H2BK1: variants seen among roughly 807,000 people sequenced by gnomAD.
The protein encoded by H2BK1 is H2B.K variant histone 1.
At chr7:151,208,861 G>A in the H2BK1 span, among the ~76,000 whole-genome samples, 2 of 152,212 alleles carry the variant, frequency 1.3e-5, no homozygotes. Flanking sequence ...GTTCTAAAAT[G>A]TGAGTAGGTA....
chr7:151,208,438 C>G, the H2BK1 span, among the ~76,000 whole-genome samples: 8 of 152,230 alleles, frequency 5.3e-5, no homozygotes, highest in Non-Finnish European at 1.2e-4. Context: ...TTCACTGATG[C>G]ATTTGCATAG....
chr7:151,208,123 C>T, the H2BK1 span: 16 of 1,612,920 alleles, frequency 9.9e-6, no homozygotes, highest in Non-Finnish European at 1.4e-5. Flanking sequence ...GAGAGGGCAG[C>T]ACCACTCGGT....
chr7:151,208,228 A>C, the H2BK1 span: 1 of 927,624 alleles, frequency 1.1e-6, no homozygotes, highest in Non-Finnish European at 1.7e-6. Context: ...GAAGGCAAGG[A>C]GGCTCCTCAC....
At chr7:151,207,841 G>C in the H2BK1 span, 16 of 816,136 alleles carry the variant, frequency 2.0e-5, no homozygotes, top group Admixed American at 2.9e-4. Context: ...CACAGAAACA[G>C]TTCACCCTTT....
the H2BK1 span, chr7:151,208,214 G>C: frequency 1.8e-6 from 2 of 1,114,966 alleles, no homozygotes; most frequent in Non-Finnish European, 2.7e-6. Context: ...GGAAGCCAGA[G>C]GCAGAAGGCA....
the H2BK1 span, chr7:151,208,194 G>C: frequency 7.2e-7 from 1 of 1,380,886 alleles, no homozygotes; most frequent in East Asian, 2.3e-5. Context: ...GCCCTGAGCT[G>C]GGGGCTCTAG....
At chr7:151,207,998 G>GATGTC in the H2BK1 span, 1 of 1,553,600 alleles carries the variant, frequency 6.4e-7, no homozygotes, top group Non-Finnish European at 8.9e-7. Flanking sequence ...GGTCCGGCCC[G>GATGTC]AGTACTGGGC....
At chr7:151,208,234 C>G in the H2BK1 span, 1 of 817,222 alleles carries the variant, frequency 1.2e-6, no homozygotes, top group South Asian at 1.6e-5. Flanking sequence ...AAGGAGGCTC[C>G]TCACCAGCCC....
chr7:151,209,814 C>T, the H2BK1 span, among the ~76,000 whole-genome samples: 5 of 152,326 alleles, frequency 3.3e-5, no homozygotes, highest in African/African-American at 1.2e-4. Flanking sequence ...TCACCCTGAT[C>T]ACTCCTCTTC....
the H2BK1 span, among the ~76,000 whole-genome samples, chr7:151,209,469 G>A: frequency 2.0e-5 from 3 of 152,166 alleles, no homozygotes; most frequent in African/African-American, 4.8e-5. Flanking sequence ...GGCTACCCCC[G>A]CCTCCTCCTG....
chr7:151,209,029 G>A, the H2BK1 span, among the ~76,000 whole-genome samples: 1 of 137,836 alleles, frequency 7.3e-6, no homozygotes, highest in Non-Finnish European at 1.5e-5. Context: ...CTGGCACAAG[G>A]CTAGTTCTGC....
the H2BK1 span, chr7:151,208,185 C>T: frequency 6.8e-7 from 1 of 1,481,042 alleles, no homozygotes. Flanking sequence ...CAAGCCTCAG[C>T]CCTGAGCTGG....
At chr7:151,207,908 C>T in the H2BK1 span, 28 of 1,108,470 alleles carry the variant, frequency 2.5e-5, no homozygotes, top group South Asian at 3.5e-4. Flanking sequence ...AGCCTTGGTG[C>T]CCTCAGACAC....
chr7:151,208,685 G>A, the H2BK1 span, among the ~76,000 whole-genome samples: 1 of 152,144 alleles, frequency 6.6e-6, no homozygotes, highest in Admixed American at 6.5e-5. Flanking sequence ...CTGTCCATGT[G>A]ACACAGTCGC....
chr7:151,209,991 C>T, the H2BK1 span, among the ~76,000 whole-genome samples: 1 of 152,170 alleles, frequency 6.6e-6, no homozygotes, highest in African/African-American at 2.4e-5. Flanking sequence ...CGCTTTGTCT[C>T]CTATCACCGG....
chr7:151,207,895 G>A, the H2BK1 span: 1 of 1,059,740 alleles, frequency 9.4e-7, no homozygotes, highest in African/African-American at 1.6e-5. Context: ...TGTACTTGGT[G>A]ACAGCCTTGG....
chr7:151,209,337 G>C, the H2BK1 span, among the ~76,000 whole-genome samples: 1 of 140,410 alleles, frequency 7.1e-6, no homozygotes, highest in Non-Finnish European at 1.6e-5. Context: ...CAGGCACCCA[G>C]GTTGTCAATT....
chr7:151,208,135 A>T, the H2BK1 span: 2 of 1,612,322 alleles, frequency 1.2e-6, no homozygotes, highest in East Asian at 4.5e-5. Context: ...CCACTCGGTT[A>T]ATGGAAGGGG....
chr7:151,208,057 C>T, the H2BK1 span: 34 of 1,614,168 alleles, frequency 2.1e-5, no homozygotes, highest in Admixed American at 2.0e-4. Flanking sequence ...CGTTTACAAA[C>T]GAGTTCATGA....
Sources: gnomAD v4.1 joint callset for allele counts (sites outside exome capture counted in the v4.1 genomes callset) on GRCh38, gnomAD v4.1.1 for gene constraint, MANE v1.5 for transcripts, NCBI Gene and HGNC (gene_info 2026-07-23, HGNC 2026-07-21) for gene names.